CHD9: variants seen among roughly 807,000 people sequenced by gnomAD.
CHD9 encodes chromodomain helicase DNA binding protein 9.
Under a neutral mutation model 316.1 loss-of-function variants are expected in CHD9, and 77 were observed. The observed-to-expected ratio is 0.24, with a 90% CI of 0.20 to 0.29. The LOEUF (loss-of-function observed/expected upper bound fraction) is 0.29, where lower values mean the gene tolerates loss of function less well. Ranked by LOEUF, CHD9 falls within the 10% of genes least tolerant of loss-of-function variation. The probability of loss-of-function intolerance (pLI) is 1.00; values close to 1 mark genes in which losing one functional copy is unlikely to be tolerated. For missense variants in CHD9, 2,763 were observed against 3,438.1 expected (o/e 0.80, Z 4.91); for synonymous variants, 1,129 against 1,158.3 (o/e 0.97, Z 0.51).
intron 12 of CHD9, among the ~76,000 whole-genome samples, chr16:53,240,651 G>A (rs899154714): frequency 1.3e-5 from 2 of 150,018 alleles, no homozygotes; most frequent in East Asian, 1.9e-4. Flanking sequence ...TTACATTATC[G>A]AATAGCTTGA....
intron 1 of CHD9, among the ~76,000 whole-genome samples, chr16:53,087,767 A>G (rs1328585012): frequency 6.6e-6 from 1 of 151,946 alleles, no homozygotes; most frequent in African/African-American, 2.4e-5. Context: ...GGCCAACATG[A>G]TGAAACCTTG....
At chr16:53,071,927 C>G (rs1283383369) in intron 1 of CHD9, among the ~76,000 whole-genome samples, 2 of 152,170 alleles carry the variant, frequency 1.3e-5, no homozygotes, top group Non-Finnish European at 2.9e-5. Flanking sequence ...GCTTTCTTAC[C>G]CTCAGGACAG....
intron 1 of CHD9, among the ~76,000 whole-genome samples, chr16:53,088,024 A>G (rs1015901882): frequency 2.6e-5 from 4 of 152,024 alleles, no homozygotes; most frequent in African/African-American, 7.2e-5. Flanking sequence ...TCTTAAGATG[A>G]AAATTCCAAG....
intron 1 of CHD9, among the ~76,000 whole-genome samples, chr16:53,068,375 T>C (rs114290981): frequency 0.021 from 3,152 of 152,206 alleles, 110 homozygotes; most frequent in African/African-American, 0.071. Context: ...CTGCACCGAG[T>C]TGCATTCTCA....
At chr16:53,187,378 A>C (rs2044111078) in intron 2 of CHD9, among the ~76,000 whole-genome samples, 1 of 152,032 alleles carries the variant, frequency 6.6e-6, no homozygotes, top group Admixed American at 6.6e-5. Flanking sequence ...GGGCATGGTG[A>C]CACACACCTG....
chr16:53,231,634 A>T lies in CHD9; in HGVS notation c.2374-13A>T. 6.4e-7 allele frequency: 1 copy of T among 1,554,384 alleles called. No individual in the cohort carries two copies. The highest frequency in any genetic ancestry group is 8.7e-7 in the Non-Finnish European group (1 of 1,148,998). On this transcript the variant is annotated splice_polypyrimidine_tract_variant and intron_variant, in intron 9 of 38. Coordinates refer to ENST00000447540, the MANE Select transcript of CHD9 (RefSeq NM_001308319.2). ...TCTTTTTCAAAATGGTAAATGAAAA[A>T]ATTTTTTTACAGCCTGTTATTTACT... is the stretch of plus-strand genomic sequence containing the variant.
At chr16:53,088,759 C>T (rs867887987) in intron 1 of CHD9, among the ~76,000 whole-genome samples, 1 of 151,902 alleles carries the variant, frequency 6.6e-6, no homozygotes, top group Admixed American at 6.6e-5. Context: ...GCAGGAGGAT[C>T]GCTTGAGGCC....
chr16:53,134,609 C>T (rs747631486), intron 1 of CHD9, among the ~76,000 whole-genome samples: 3 of 152,160 alleles, frequency 2.0e-5, no homozygotes, highest in Non-Finnish European at 4.4e-5. Context: ...TTATTTGTTG[C>T]ACTTATTTGG....
At chr16:53,268,196 C>T in intron 22 of CHD9, 70 bp downstream of exon 22, 1 of 1,038,836 alleles carries the variant, frequency 9.6e-7, no homozygotes, top group Admixed American at 2.6e-5. Context: ...ACATATTCTC[C>T]TATAAAATAT....
At chr16:53,205,656 T>A (rs2045841934) in intron 2 of CHD9, among the ~76,000 whole-genome samples, 2 of 152,194 alleles carry the variant, frequency 1.3e-5, no homozygotes, top group Admixed American at 6.5e-5. Flanking sequence ...TTAAGGTTTA[T>A]TAAACAGTTG....
chr16:53,060,714 C>A (rs139452961), intron 1 of CHD9, among the ~76,000 whole-genome samples: 296 of 151,832 alleles, frequency 1.9e-3, no homozygotes, highest in African/African-American at 6.7e-3. Flanking sequence ...CATGATCATG[C>A]CACTGCGCTC....
intron 1 of CHD9, among the ~76,000 whole-genome samples, chr16:53,135,640 AAAC>A (rs2039659557): frequency 6.6e-6 from 1 of 152,184 alleles, no homozygotes; most frequent in Non-Finnish European, 1.5e-5. Context: ...TTTGGCAAGA[AAAC>A]AAGTTTTGAA....
intron 17 of CHD9, among the ~76,000 whole-genome samples, chr16:53,253,581 C>T (rs750748773): frequency 6.6e-6 from 1 of 151,954 alleles, no homozygotes; most frequent in Non-Finnish European, 1.5e-5. Context: ...ACCCCAATAA[C>T]TTATGGAAAA....
In CHD9 at chr16:53,263,008, A is replaced by T. The variant is rs1354449353; in HGVS notation, c.4231A>T (p.Asn1411Tyr). 8 of 1,612,624 alleles carry T rather than the reference A, an allele frequency of 5.0e-6. No individual in the cohort carries two copies. The highest frequency in any genetic ancestry group is 6.8e-6 in the Non-Finnish European group (8 of 1,179,064). The change falls in exon 20 of 39, where the codon AAC (asparagine) becomes TAC (tyrosine). Residue 1411 changes from asparagine to tyrosine, a missense_variant. By Grantham distance (143) the Asn-to-Tyr change is moderately radical (BLOSUM62 -2). This residue lies in a region of CHD9 where 199 missense variants were observed against 251.7 expected (regional missense o/e 0.79). Coordinates refer to ENST00000447540, the MANE Select transcript of CHD9 (RefSeq NM_001308319.2). ...TCAGGCGAGTTTTGTGGCATCTGGA[A>T]ACCGGACAGATATTTCTTTAGATGA... is the stretch of plus-strand genomic sequence containing the variant. ...FAKASFVASG[N>Y]RTDISLDDPN... is the part of the protein sequence containing the mutation.
At chr16:53,097,002 C>T (rs2036431158) in intron 1 of CHD9, among the ~76,000 whole-genome samples, 1 of 152,056 alleles carries the variant, frequency 6.6e-6, no homozygotes, top group Non-Finnish European at 1.5e-5. Context: ...GCAGAGCCCT[C>T]ATGATGCAAG....
intron 1 of CHD9, among the ~76,000 whole-genome samples, chr16:53,133,712 T>C (rs1473725187): frequency 6.6e-6 from 1 of 152,156 alleles, no homozygotes; most frequent in Non-Finnish European, 1.5e-5. Context: ...ACGGTGTCCA[T>C]GGAAAAAGCC....
At chr16:53,225,977 C>T (rs1358951235) in intron 4 of CHD9, among the ~76,000 whole-genome samples, 1 of 151,820 alleles carries the variant, frequency 6.6e-6, no homozygotes, top group African/African-American at 2.4e-5. Context: ...AAAACAGATA[C>T]CTTTTTATTC....
chr16:53,285,729 C>T, intron 25 of CHD9, 30 bp downstream of exon 25: 2 of 1,266,760 alleles, frequency 1.6e-6, no homozygotes, highest in Non-Finnish European at 2.3e-6. Flanking sequence ...GGTGAGATCC[C>T]CTTCTATGTA....
chr16:53,109,500 A>T, intron 1 of CHD9, among the ~76,000 whole-genome samples: 1 of 149,638 alleles, frequency 6.7e-6, no homozygotes, highest in East Asian at 2.0e-4. Flanking sequence ...GCCCAGGCTA[A>T]TTTTTTGTAT....
Sources: gnomAD v4.1 joint callset for allele counts (sites outside exome capture counted in the v4.1 genomes callset) on GRCh38, gnomAD v4.1.1 for gene constraint, gnomAD v4.1.1 regional missense constraint, MANE v1.5 for transcripts, NCBI Gene and HGNC (gene_info 2026-07-23, HGNC 2026-07-21) for gene names.